Variants in LRGUK observed in about 807,000 individuals in gnomAD.
LRGUK encodes the protein leucine rich repeats and guanylate kinase domain containing.
Under a neutral mutation model 76.0 loss-of-function variants are expected in LRGUK, and 65 were observed. The ratio of observed to expected loss-of-function variants is 0.85; its 90% CI spans 0.70 to 1.05. LRGUK has a LOEUF of 1.05. Among genes scored for constraint, LRGUK ranks in the 50% least tolerant of loss-of-function variants. The pLI, the probability that LRGUK is intolerant of heterozygous loss-of-function variation, is 0.00. For missense variants in LRGUK, 758 were observed against 732.8 expected, an observed-to-expected ratio of 1.03 and a Z score of -0.40; for synonymous variants, 268 against 265.6, an observed-to-expected ratio of 1.01 and a Z score of -0.09.
chr7:134,258,194 G>T, intron 18 of LRGUK, 63 bp from the exon 19 acceptor site: 1 of 1,598,790 alleles, frequency 6.3e-7, no homozygotes, highest in Non-Finnish European at 8.6e-7. Flanking sequence ...GGCATAGATC[G>T]TGTGGCCATT....
chr7:134,224,419 G>A (rs944258021), intron 16 of LRGUK, among the ~76,000 whole-genome samples: 9 of 152,306 alleles, frequency 5.9e-5, no homozygotes, highest in African/African-American at 1.4e-4. Context: ...TTGCAGGAAC[G>A]TGGAGGCCAT....
chr7:134,229,995 CA>C (rs919415328), intron 16 of LRGUK, among the ~76,000 whole-genome samples: 1 of 151,762 alleles, frequency 6.6e-6, no homozygotes. Flanking sequence ...TTAAATGTAA[CA>C]CAAAAAGCAT....
intron 9 of LRGUK, among the ~76,000 whole-genome samples, chr7:134,177,353 T>C (rs931089750): frequency 1.3e-5 from 2 of 152,232 alleles, no homozygotes; most frequent in African/African-American, 4.8e-5. Flanking sequence ...CGCAGCTTTA[T>C]GGCAGACTAT....
In LRGUK at chr7:134,263,419, C is replaced by CTGTGTGTGTGTGTGTG. The variant is rs60637538; in HGVS notation, c.2348-420_2348-419insTGTGTGTGTGTGTGTG. 1.8e-3 allele frequency among the ~76,000 whole-genome samples: 265 copies of CTGTGTGTGTGTGTGTG among 149,612 alleles called. 1 individual carries two copies. Among genetic ancestry groups the CTGTGTGTGTGTGTGTG allele is most frequent in the African/African-American group, 6.3e-3 (257 of 41,080 alleles). On this transcript the variant is annotated intron_variant, in intron 19 of 19. Coordinates refer to the LRGUK transcript ENST00000285928. ...TTCACTTCACTGTGTGTGTGTGTGT[C>CTGTGTGTGTGTGTGTG]TGTGTGCATGTGTATGATTGTGAAA... is the stretch of plus-strand genomic sequence containing the variant.
At chr7:134,239,356 C>G (rs2117189272) in intron 16 of LRGUK, among the ~76,000 whole-genome samples, 1 of 152,326 alleles carries the variant, frequency 6.6e-6, no homozygotes, top group Non-Finnish European at 1.5e-5. Context: ...CACACTAATA[C>G]TGCACTTTTC....
chr7:134,232,567 C>T (rs566921706), intron 16 of LRGUK, among the ~76,000 whole-genome samples: 8 of 152,262 alleles, frequency 5.3e-5, no homozygotes, highest in Non-Finnish European at 8.8e-5. Flanking sequence ...CATAAGCCAC[C>T]GCACCAGGCC....
intron 11 of LRGUK, among the ~76,000 whole-genome samples, chr7:134,190,520 T>G (rs1800159214): frequency 6.6e-6 from 1 of 152,214 alleles, no homozygotes; most frequent in Non-Finnish European, 1.5e-5. Flanking sequence ...CATCTCCTAT[T>G]TTAAAACTAC....
intron 12 of LRGUK, among the ~76,000 whole-genome samples, chr7:134,192,529 C>T (rs1008581296): frequency 6.6e-6 from 1 of 152,196 alleles, no homozygotes; most frequent in Non-Finnish European, 1.5e-5. Context: ...ACTCAAAACA[C>T]TCTTGTCTTT....
At chr7:134,127,746 C>T in intron 1 of LRGUK, 82 bp downstream of exon 1, 3 of 1,469,790 alleles carry the variant, frequency 2.0e-6, no homozygotes, top group Non-Finnish European at 2.7e-6. Context: ...GATGCACCCC[C>T]ACCAGCCCGA....
At chr7:134,179,237 G>A (rs1799635634) in intron 10 of LRGUK, among the ~76,000 whole-genome samples, 3 of 152,276 alleles carry the variant, frequency 2.0e-5, no homozygotes, top group East Asian at 1.9e-4. Context: ...CTCTGAATTC[G>A]AAGACAGATT....
exon 20 of LRGUK, chr7:134,264,563 C>G (rs974105424): frequency 6.6e-6 from 1 of 152,154 alleles, no homozygotes; most frequent in Non-Finnish European, 1.5e-5. Flanking sequence ...TTTAGCAACA[C>G]GAAAGAATAA....
intron 10 of LRGUK, among the ~76,000 whole-genome samples, chr7:134,182,538 C>G (rs1266957441): frequency 6.6e-6 from 1 of 152,166 alleles, no homozygotes; most frequent in Non-Finnish European, 1.5e-5. Flanking sequence ...GGCTTTTGCT[C>G]TCAAGTTTTT....
downstream of LRGUK, among the ~76,000 whole-genome samples, chr7:134,213,847 A>G (rs1276910330): frequency 6.6e-6 from 1 of 152,210 alleles, no homozygotes; most frequent in African/African-American, 2.4e-5. Flanking sequence ...ACATAGAATA[A>G]CAATGTTTAA....
exon 14 of LRGUK, chr7:134,199,333 A>T: frequency 1.2e-6 from 2 of 1,613,932 alleles, no homozygotes; most frequent in Non-Finnish European, 8.5e-7. Flanking sequence ...TCAGTCGTGC[A>T]GAAATTGAAT....
At chr7:134,246,822 C>G (rs988914467) in intron 16 of LRGUK, among the ~76,000 whole-genome samples, 1 of 152,168 alleles carries the variant, frequency 6.6e-6, no homozygotes, top group Admixed American at 6.5e-5. Flanking sequence ...GTTAATTTAT[C>G]TTTTCTGTAA....
chr7:134,266,706 C>T (rs575936131), downstream of LRGUK, among the ~76,000 whole-genome samples: 5 of 152,126 alleles, frequency 3.3e-5, no homozygotes, highest in South Asian at 2.1e-4. Context: ...TAGAGGAGTA[C>T]AAAAAGAGTG....
At position 134,176,855 on chromosome 7, in the gene LRGUK, G is replaced by A. The variant is rs1387532727; in HGVS notation, c.1021-122G>A. The A allele has an allele frequency of 9.8e-6, 6 of 614,444 alleles. No homozygotes were observed. The East Asian group carries it at 1.6e-4, about 17-fold the overall frequency. The allele number at this position is 614,444 out of a possible 1,614,324, so 38.1% of individuals were successfully genotyped here. A position where few individuals can be genotyped will look rare whatever the true frequency, so the allele number is the denominator to read the frequency against. ...AAGCGTGAAATGCATAGTCCTGTGA[G>A]GGTGTGTGTGGGAATGATGAGGTAG... is the stretch of plus-strand genomic sequence containing the variant. On this transcript the variant is annotated intron_variant, in intron 8 of 15. Transcript: ENST00000645682.
Position 134,178,573 on chromosome 7 carries a change from TC to T in LRGUK, c.1179del (p.Asn394ThrfsTer3). On this transcript the variant is annotated frameshift_variant, in exon 10 of 16. Transcript: ENST00000645682. LOFTEE classifies it high-confidence loss of function. ...GCTCAAGACCACCTGACCCATGTTG[TC>T]AACAGCGTGATGCAGCCGCAGAGGA... The T allele has an allele frequency of 6.2e-7, 1 of 1,613,314 alleles. No homozygotes were observed. The highest frequency in any genetic ancestry group is 8.5e-7 in the Non-Finnish European group (1 of 1,179,690).
chr7:134,242,192 G>A (rs1585593769), intron 16 of LRGUK, among the ~76,000 whole-genome samples: 1 of 152,010 alleles, frequency 6.6e-6, no homozygotes, highest in Middle Eastern at 3.4e-3. Flanking sequence ...AAGGCAAGAA[G>A]TAACTAAGAT....
Sources: allele counts gnomAD v4.1 joint callset (sites outside exome capture counted in the v4.1 genomes callset), GRCh38; gene constraint gnomAD v4.1.1; transcripts MANE v1.5; gene names NCBI Gene and HGNC (gene_info 2026-07-23, HGNC 2026-07-21).